The following ANK2 variants were observed in gnomAD, a reference collection of about 807,000 sequenced individuals.
The protein encoded by ANK2 is ankyrin 2, also known as ankyrin-2.
Under a neutral mutation model 360.5 loss-of-function variants are expected in ANK2, and 83 were observed. That is an observed-to-expected ratio of 0.23 (90% CI 0.19 to 0.28). The LOEUF is 0.28. Ranked by LOEUF, ANK2 falls within the 10% of genes least tolerant of loss-of-function variation. The probability of loss-of-function intolerance (pLI) is 1.00; values close to 1 mark genes in which losing one functional copy is unlikely to be tolerated. For missense variants in ANK2, 4,201 were observed against 4,795.7 expected, an observed-to-expected ratio of 0.88 and a Z score of 3.66; for synonymous variants, 1,740 against 1,759.5, an observed-to-expected ratio of 0.99 and a Z score of 0.28.
intron 2 of ANK2, among the ~76,000 whole-genome samples, chr4:112,964,972 T>C (rs1436457225): frequency 6.6e-6 from 1 of 152,188 alleles, no homozygotes; most frequent in Non-Finnish European, 1.5e-5. Context: ...AGAGAGCAGA[T>C]ATCTCTTCAA....
chr4:113,148,552 A>T (rs545062383), intron 1 of ANK2, among the ~76,000 whole-genome samples: 1 of 152,102 alleles, frequency 6.6e-6, no homozygotes, highest in South Asian at 2.1e-4. Flanking sequence ...AAATGTTCTT[A>T]TTACTTTAGA....
At chr4:113,154,333 A>G (rs1369811290) in intron 1 of ANK2, among the ~76,000 whole-genome samples, 2 of 152,234 alleles carry the variant, frequency 1.3e-5, no homozygotes, top group African/African-American at 4.8e-5. Context: ...TCCAAGGAGT[A>G]AGGTACTATA....
chr4:112,810,346 AG>A, the ANK2 span, among the ~76,000 whole-genome samples: 1 of 151,636 alleles, frequency 6.6e-6, no homozygotes, highest in African/African-American at 2.4e-5. Flanking sequence ...TTTTATCATG[AG>A]CACAGCTACA....
Position 112,827,189 on chromosome 4 carries a change from C to G in ANK2, c.-40+8925C>G, listed in dbSNP as rs148852174. The G allele has an allele frequency of 7.0e-4, 813 of 1,160,678 alleles. 1 individual carries two copies. The highest frequency in any genetic ancestry group is 9.9e-4 in the Non-Finnish European group (758 of 766,452). 71.9% of individuals were successfully genotyped at this position (1,160,678 alleles called of 1,614,324 possible). A position where few individuals can be genotyped will look rare whatever the true frequency, so the allele number is the denominator to read the frequency against. ...TACATCCTGTGTAGTGATACCAGGTCACACCTCAAATTTCTTGAAAAGCTG... is the reference window on the plus strand; with the variant it reads ...TACATCCTGTGTAGTGATACCAGGTGACACCTCAAATTTCTTGAAAAGCTG... On this transcript the variant is annotated intron_variant, in intron 1 of 30. Transcript: ENST00000503271.
chr4:113,228,959 G>T (rs901732188), intron 4 of ANK2, among the ~76,000 whole-genome samples: 1 of 152,166 alleles, frequency 6.6e-6, no homozygotes, highest in Non-Finnish European at 1.5e-5. Flanking sequence ...TGAGGGCAAT[G>T]CCACTCCTGG....
At position 113,250,761 on chromosome 4, in the gene ANK2, C is replaced by CCCCG. The variant is rs1554340233; in HGVS notation, c.990+902_990+903insGCCC. Among the ~76,000 whole-genome samples the CCCCG allele has an allele frequency of 1.2e-4, 16 of 137,894 alleles. 3 individuals are homozygous for CCCCG. Among genetic ancestry groups the CCCCG allele is most frequent in the Admixed American group, 2.9e-4 (4 of 13,776 alleles). 90.5% of individuals were successfully genotyped at this position (137,894 alleles called of 152,430 possible). On this transcript the variant is annotated intron_variant, in intron 10 of 45. Coordinates refer to ENST00000357077, the MANE Select transcript of ANK2 (RefSeq NM_001148.6). The stretch of plus-strand genomic sequence containing the variant: ...CATTCCACCTCATACCACCGCCCCC[C>CCCCG]CCCCCGACAGAGTTGGTATCAACTA...
At chr4:112,896,620 C>T (rs1014816349) in intron 1 of ANK2, among the ~76,000 whole-genome samples, 5 of 152,178 alleles carry the variant, frequency 3.3e-5, no homozygotes, top group Non-Finnish European at 7.3e-5. Flanking sequence ...CCTTTGATGT[C>T]GCATTCCTGA....
intron 1 of ANK2, among the ~76,000 whole-genome samples, chr4:112,899,051 G>A (rs1049363161): frequency 1.3e-5 from 2 of 152,176 alleles, no homozygotes; most frequent in Non-Finnish European, 2.9e-5. Context: ...AGCCTTGTGT[G>A]CTGCTTTCTA....
chr4:113,032,543 C>T (rs2060638588), intron 2 of ANK2, among the ~76,000 whole-genome samples: 1 of 151,958 alleles, frequency 6.6e-6, no homozygotes, highest in Non-Finnish European at 1.5e-5. Flanking sequence ...ACTCTGGAAA[C>T]AGAGTCTCAG....
intron 4 of ANK2, among the ~76,000 whole-genome samples, chr4:113,216,418 C>T (rs949231618): frequency 1.3e-5 from 2 of 152,082 alleles, no homozygotes; most frequent in African/African-American, 4.8e-5. Context: ...ATCTAAACAC[C>T]CTGATTCTTT....
chr4:113,078,860 T>C (rs1231451169), intron 1 of ANK2, among the ~76,000 whole-genome samples: 1 of 152,234 alleles, frequency 6.6e-6, no homozygotes, highest in African/African-American at 2.4e-5. Context: ...ATAAAAATAA[T>C]GCAAACTAGT....
In ANK2 at chr4:112,909,116, G is replaced by A. The variant is rs191968141; in HGVS notation, c.21+4602G>A. On this transcript the variant is annotated intron_variant, in intron 2 of 30. Coordinates refer to the ANK2 transcript ENST00000503271. ...GGGGAATAGAATACCTTGCATTAAC[G>A]TGATTATTGATAATTGTATATTTCT... is the stretch of plus-strand genomic sequence containing the variant. 2.4e-3 allele frequency among the ~76,000 whole-genome samples: 360 copies of A among 152,282 alleles called. 1 individual carries two copies. Among genetic ancestry groups the A allele is most frequent in the Non-Finnish European group, 2.3e-3 (159 of 68,012 alleles).
At chr4:112,869,771 C>T (rs990228162) in intron 1 of ANK2, among the ~76,000 whole-genome samples, 4 of 152,112 alleles carry the variant, frequency 2.6e-5, no homozygotes, top group East Asian at 3.9e-4. Flanking sequence ...CAATTTCTGC[C>T]GCCTTAGTTG....
chr4:113,008,724 TTTTATTA>T (rs796094362), intron 2 of ANK2, among the ~76,000 whole-genome samples: 10 of 152,214 alleles, frequency 6.6e-5, no homozygotes, highest in African/African-American at 2.4e-4. Context: ...TAGTGGGATA[TTTTATTA>T]TTTAATAGCC....
At chr4:112,810,121 T>G in the ANK2 span, among the ~76,000 whole-genome samples, 20 of 62,148 alleles carry the variant, frequency 3.2e-4, no homozygotes, top group Non-Finnish European at 4.1e-4. Context: ...TTTTAATTTT[T>G]TGTGTATATA....
chr4:113,128,497 A>T (rs570592623), intron 1 of ANK2, among the ~76,000 whole-genome samples: 2 of 152,032 alleles, frequency 1.3e-5, no homozygotes, highest in East Asian at 3.9e-4. Context: ...TTATTTATTT[A>T]TTTTTTTTAT....
the ANK2 span, among the ~76,000 whole-genome samples, chr4:112,753,585 G>C: frequency 3.3e-5 from 5 of 152,094 alleles, no homozygotes; most frequent in South Asian, 6.2e-4. Context: ...CACAAGATAC[G>C]GGTCATAAAG....
the ANK2 span, among the ~76,000 whole-genome samples, chr4:112,734,933 T>G: frequency 3.3e-5 from 5 of 152,200 alleles, no homozygotes; most frequent in African/African-American, 1.2e-4. Context: ...ACTTATTAGA[T>G]CATTACTGTT....
At chr4:113,196,334 C>T in intron 2 of ANK2, 34 bp from the exon 3 acceptor site, 1 of 1,554,938 alleles carries the variant, frequency 6.4e-7, no homozygotes, top group Non-Finnish European at 8.9e-7. Flanking sequence ...CTCATTACTT[C>T]ACTTCTTAAA....
Sources: gnomAD v4.1 joint callset for allele counts (sites outside exome capture counted in the v4.1 genomes callset) on GRCh38, gnomAD v4.1.1 for gene constraint, MANE v1.5 for transcripts, NCBI Gene and HGNC (gene_info 2026-07-23, HGNC 2026-07-21) for gene names.